The following ASXL3 variants were observed in gnomAD, a reference collection of about 807,000 sequenced individuals.
The protein encoded by ASXL3 is putative Polycomb group protein ASXL3.
Under a neutral mutation model 170.6 loss-of-function variants are expected in ASXL3, and 34 were observed. That is an observed-to-expected ratio of 0.20 (90% CI 0.15 to 0.27). ASXL3 has a LOEUF of 0.27. ASXL3 is among the 10% of genes least tolerant of loss of function. The probability of loss-of-function intolerance (pLI) is 1.00; values close to 1 mark genes in which losing one functional copy is unlikely to be tolerated. For missense variants in ASXL3, 2,592 were observed against 2,695.3 expected (o/e 0.96, Z 0.85); for synonymous variants, 1,002 against 989.1 (o/e 1.01, Z -0.24).
intron 2 of ASXL3, among the ~76,000 whole-genome samples, chr18:33,642,684 A>C (rs1207086684): frequency 1.3e-5 from 2 of 151,974 alleles, no homozygotes; most frequent in African/African-American, 4.8e-5. Flanking sequence ...TAAACAGTAT[A>C]ATTTAATAAT....
intron 8 of ASXL3, among the ~76,000 whole-genome samples, chr18:33,703,994 T>C (rs1363908222): frequency 6.6e-6 from 1 of 152,138 alleles, no homozygotes; most frequent in Non-Finnish European, 1.5e-5. Context: ...GTAACTTTTT[T>C]ATATGGTAAT....
intron 2 of ASXL3, among the ~76,000 whole-genome samples, chr18:33,634,904 T>A (rs780729958): frequency 6.6e-6 from 1 of 152,122 alleles, no homozygotes; most frequent in Non-Finnish European, 1.5e-5. Context: ...TCAAGCAGTG[T>A]GGTGGTAGAC....
intron 11 of ASXL3, among the ~76,000 whole-genome samples, chr18:33,741,377 C>A (rs1445235219): frequency 6.6e-6 from 1 of 151,944 alleles, no homozygotes; most frequent in Non-Finnish European, 1.5e-5. Context: ...TAGAATCTTG[C>A]AAGATGTTAC....
At chr18:33,626,735 T>A (rs2065609890) in intron 2 of ASXL3, 1 of 152,142 alleles carries the variant, frequency 6.6e-6, no homozygotes, top group Non-Finnish European at 1.5e-5. Flanking sequence ...CCTTGAATGT[T>A]CATATTTTCA....
At chr18:33,662,745 C>T (rs1356868029) in intron 5 of ASXL3, among the ~76,000 whole-genome samples, 1 of 152,104 alleles carries the variant, frequency 6.6e-6, no homozygotes, top group African/African-American at 2.4e-5. Flanking sequence ...CCATTGATGA[C>T]CTTTACCAGA....
chr18:33,612,659 G>T (rs1191916251), intron 2 of ASXL3, among the ~76,000 whole-genome samples: 1 of 151,858 alleles, frequency 6.6e-6, no homozygotes, highest in Non-Finnish European at 1.5e-5. Flanking sequence ...TTCTTTAGGG[G>T]GATAACATGT....
intron 5 of ASXL3, among the ~76,000 whole-genome samples, chr18:33,667,911 C>T (rs1026134673): frequency 6.6e-6 from 1 of 152,118 alleles, no homozygotes; most frequent in African/African-American, 2.4e-5. Context: ...GCATTGGTTG[C>T]AGAAAGGATA....
intron 8 of ASXL3, among the ~76,000 whole-genome samples, chr18:33,705,928 C>T (rs2066948017): frequency 6.6e-6 from 1 of 151,756 alleles, no homozygotes; most frequent in Admixed American, 6.6e-5. Flanking sequence ...ACAAAAGAAC[C>T]TACTATCCTG....
At chr18:33,697,314 G>A (rs1420017110) in intron 8 of ASXL3, among the ~76,000 whole-genome samples, 1 of 152,098 alleles carries the variant, frequency 6.6e-6, no homozygotes. Flanking sequence ...GAAATACTGT[G>A]TTGCATGAGA....
At chr18:33,732,130 T>G (rs2067459876) in intron 9 of ASXL3, 66 bp downstream of exon 9, 3 of 1,260,368 alleles carry the variant, frequency 2.4e-6, no homozygotes, top group Non-Finnish European at 3.3e-6. Flanking sequence ...AGCTTGTACC[T>G]TTCTCTGATT....
At chr18:33,661,568 A>G (rs1245627168) in intron 4 of ASXL3, 48 bp from the exon 5 acceptor site, 2 of 1,543,586 alleles carry the variant, frequency 1.3e-6, no homozygotes, top group Non-Finnish European at 8.8e-7. Context: ...CAGTGGATAT[A>G]AAAAAGGAAT....
chr18:33,649,133 A>T (rs2065958825), intron 4 of ASXL3, among the ~76,000 whole-genome samples: 1 of 152,110 alleles, frequency 6.6e-6, no homozygotes, highest in South Asian at 2.1e-4. Context: ...AATGGGAAAC[A>T]ATTGTTAGCA....
chr18:33,670,305 C>A (rs1200776140), intron 5 of ASXL3, among the ~76,000 whole-genome samples: 2 of 152,214 alleles, frequency 1.3e-5, no homozygotes, highest in Non-Finnish European at 2.9e-5. Flanking sequence ...AGTGCAGACA[C>A]ATATATTTTT....
intron 5 of ASXL3, among the ~76,000 whole-genome samples, chr18:33,663,316 G>A (rs2066206396): frequency 6.6e-6 from 1 of 152,140 alleles, no homozygotes; most frequent in Non-Finnish European, 1.5e-5. Context: ...TCATACTTCT[G>A]AGGTTCAGTG....
At chr18:33,674,802 T>C (rs1015096773) in intron 7 of ASXL3, among the ~76,000 whole-genome samples, 7 of 152,056 alleles carry the variant, frequency 4.6e-5, no homozygotes, top group African/African-American at 1.7e-4. Flanking sequence ...GTATTTTTAG[T>C]AGAGACGGGG....
chr18:33,740,624 A>G (rs1279830225), intron 11 of ASXL3, among the ~76,000 whole-genome samples, 181 bp downstream of exon 11: 1 of 152,208 alleles, frequency 6.6e-6, no homozygotes, highest in Admixed American at 6.5e-5. Flanking sequence ...AAAGCAGTTT[A>G]GATACATGCA....
At chr18:33,719,147 CTTGATGCCACACAGTCCT>C (rs1176200230) in intron 8 of ASXL3, among the ~76,000 whole-genome samples, 1 of 152,040 alleles carries the variant, frequency 6.6e-6, no homozygotes, top group African/African-American at 2.4e-5. Flanking sequence ...CAGCAACAAT[CTTGATGCCACACAGTCCT>C]TCAGCTACCA....
At chr18:33,596,969 C>A (rs145141285) in intron 1 of ASXL3, among the ~76,000 whole-genome samples, 1 of 152,190 alleles carries the variant, frequency 6.6e-6, no homozygotes, top group East Asian at 1.9e-4. Flanking sequence ...CGTGCCACCA[C>A]GCTTGGCTAA....
chr18:33,724,529 T>C (rs910330835), intron 8 of ASXL3, among the ~76,000 whole-genome samples: 1 of 152,112 alleles, frequency 6.6e-6, no homozygotes, highest in Non-Finnish European at 1.5e-5. Flanking sequence ...TTTACAACTC[T>C]TAATGCATCA....
Sources: gnomAD v4.1 joint callset for allele counts (sites outside exome capture counted in the v4.1 genomes callset) on GRCh38, gnomAD v4.1.1 for gene constraint, MANE v1.5 for transcripts, NCBI Gene and HGNC (gene_info 2026-07-23, HGNC 2026-07-21) for gene names.